Variants in PLEKHG3 observed in about 807,000 individuals in gnomAD.
PLEKHG3 encodes the protein pleckstrin homology domain-containing family G member 3.
PLEKHG3 carries 62 observed loss-of-function variants against 94.9 expected under a neutral mutation model. The observed-to-expected ratio is 0.65, with a 90% CI of 0.53 to 0.81. The LOEUF (loss-of-function observed/expected upper bound fraction) is 0.81. Ranked by LOEUF, PLEKHG3 falls within the 30% of genes least tolerant of loss-of-function variation. The pLI, the probability that PLEKHG3 is intolerant of heterozygous loss-of-function variation, is 0.00. For missense variants in PLEKHG3, 1,461 were observed against 1,619.3 expected, an observed-to-expected ratio of 0.90 and a Z score of 1.68; for synonymous variants, 614 against 654.0, an observed-to-expected ratio of 0.94 and a Z score of 0.93.
rs770143350 is a variant in PLEKHG3 at position 64,737,902 on chromosome 14, C to T, written c.1404+527C>T. ...GGAACCCTCCTGGACTTTGGGCAGC[C>T]CTCCCGTACTCGGGGCCTGCAGCCA... On this transcript the variant is annotated intron_variant, in intron 14 of 16. Coordinates refer to ENST00000247226, the MANE Select transcript of PLEKHG3 (RefSeq NM_001308147.2). The T allele has an allele frequency of 3.6e-5, 43 of 1,209,326 alleles. 1 individual carries two copies. The South Asian group carries it at 5.7e-4, about 16-fold the overall frequency. The allele number at this position is 1,209,326 out of a possible 1,614,324, so 74.9% of individuals were successfully genotyped here. A position where few individuals can be genotyped will look rare whatever the true frequency, so the allele number is the denominator to read the frequency against.
At chr14:64,724,881 G>A (rs577455989) in intron 1 of PLEKHG3, among the ~76,000 whole-genome samples, 2 of 152,340 alleles carry the variant, frequency 1.3e-5, no homozygotes, top group Admixed American at 6.5e-5. Context: ...GTACCTGCAT[G>A]TATAAAATGA....
At chr14:64,724,221 C>A (rs1027072063) in intron 1 of PLEKHG3, among the ~76,000 whole-genome samples, 3 of 152,148 alleles carry the variant, frequency 2.0e-5, no homozygotes, top group African/African-American at 7.2e-5. Context: ...GAATGCACTC[C>A]AGCTGAGTGC....
chr14:64,737,785 C>A (rs540426587), intron 14 of PLEKHG3: 2 of 748,342 alleles, frequency 2.7e-6, no homozygotes, highest in African/African-American at 3.7e-5. Flanking sequence ...GTGAAGGCTC[C>A]CCCCCCGCAG....
Position 64,738,923 on chromosome 14 carries a change from A to G in PLEKHG3, c.1518+68A>G. 1.0e-6 allele frequency: 1 copy of G among 1,003,828 alleles called. No individual in the cohort carries two copies. Among genetic ancestry groups the G allele is most frequent in the Non-Finnish European group, 1.5e-6 (1 of 648,856 alleles). The allele number at this position is 1,003,828 out of a possible 1,614,324, so 62.2% of individuals were successfully genotyped here. A position where few individuals can be genotyped will look rare whatever the true frequency, so the allele number is the denominator to read the frequency against. On this transcript the variant is annotated intron_variant, in intron 15 of 16. Coordinates refer to ENST00000247226, the MANE Select transcript of PLEKHG3 (RefSeq NM_001308147.2). The surrounding 1 kb of genome is among the most constrained non-coding windows in gnomAD (Gnocchi z 4.8). ...GGAGTCCAGATTTTCAAGTCTGCAAATAGGGCTTTCAGGCACAGGCTCTCC... is the reference window on the plus strand; with the variant it reads ...GGAGTCCAGATTTTCAAGTCTGCAAGTAGGGCTTTCAGGCACAGGCTCTCC...
At position 64,738,005 on chromosome 14, in the gene PLEKHG3, A is replaced by C. The variant is rs760670804; in HGVS notation, c.1404+630A>C. On this transcript the variant is annotated intron_variant, in intron 14 of 16. Transcript: ENST00000247226. The surrounding 1 kb of genome is among the most constrained non-coding windows in gnomAD (Gnocchi z 4.8). ...AGGAGGAGGAGGAGGAGGAGGAGGA[A>C]GAGCAGGCCTTTCAGGTCTCTCTGG... 8.4e-7 allele frequency: 1 copy of C among 1,185,440 alleles called. No homozygotes were observed. Among genetic ancestry groups the C allele is most frequent in the East Asian group, 5.7e-5 (1 of 17,516 alleles). The allele number at this position is 1,185,440 out of a possible 1,614,324, so 73.4% of individuals were successfully genotyped here.
intron 1 of PLEKHG3, among the ~76,000 whole-genome samples, chr14:64,713,787 C>T (rs1172191269): frequency 1.3e-5 from 2 of 151,780 alleles, no homozygotes; most frequent in African/African-American, 4.8e-5. Context: ...CTGTGGACCT[C>T]TAAGTCTATT....
At chr14:64,719,397 A>G (rs2081225866) in intron 1 of PLEKHG3, among the ~76,000 whole-genome samples, 1 of 151,964 alleles carries the variant, frequency 6.6e-6, no homozygotes, top group South Asian at 2.1e-4. Context: ...CGGGTTACTT[A>G]CTTGTGTCAT....
chr14:64,733,525 C>G (rs2081514297), intron 12 of PLEKHG3, among the ~76,000 whole-genome samples: 2 of 152,284 alleles, frequency 1.3e-5, no homozygotes, highest in Admixed American at 1.3e-4. Context: ...GGCACCCCTT[C>G]TTAGCCCCCT....
chr14:64,737,817 G>T, intron 14 of PLEKHG3: 1 of 1,057,558 alleles, frequency 9.5e-7, no homozygotes, highest in Non-Finnish European at 1.2e-6. Flanking sequence ...AGGACGGGAG[G>T]TTGCCCAAGA....
At chr14:64,734,266 C>T (rs2139387673) in intron 12 of PLEKHG3, among the ~76,000 whole-genome samples, 1 of 152,124 alleles carries the variant, frequency 6.6e-6, no homozygotes, top group Admixed American at 6.5e-5. Flanking sequence ...TCTCTCTAGC[C>T]CTCTTTCTTT....
In PLEKHG3 at chr14:64,738,597, G is replaced by A; in HGVS notation, c.1405-145G>A. On this transcript the variant is annotated intron_variant, in intron 14 of 16. Coordinates refer to ENST00000247226, the MANE Select transcript of PLEKHG3 (RefSeq NM_001308147.2). This position sits in a 1 kb window ranked among gnomAD's most constrained non-coding sequence, Gnocchi z 4.8. Reference sequence around the variant, plus strand: ...CGCAGCCCCAGGCCTGGCAGTTCAGGTTGGCTCTGGAATGGCTCAGGTCCA... The same window carrying A: ...CGCAGCCCCAGGCCTGGCAGTTCAGATTGGCTCTGGAATGGCTCAGGTCCA... 1 of 651,680 alleles carries A rather than the reference G, an allele frequency of 1.5e-6. No individual in the cohort carries two copies. The highest frequency in any genetic ancestry group is 1.9e-5 in the South Asian group (1 of 52,974). 40.4% of individuals were successfully genotyped at this position (651,680 alleles called of 1,614,324 possible).
intron 1 of PLEKHG3, among the ~76,000 whole-genome samples, chr14:64,708,703 T>C (rs1291412537): frequency 6.6e-6 from 1 of 152,086 alleles, no homozygotes; most frequent in Non-Finnish European, 1.5e-5. Flanking sequence ...AAAGTACCGC[T>C]GTCAAAGTTT....
intron 14 of PLEKHG3, among the ~76,000 whole-genome samples, chr14:64,737,598 G>C (rs1474984900): frequency 6.6e-6 from 1 of 152,236 alleles, no homozygotes; most frequent in African/African-American, 2.4e-5. Flanking sequence ...GCACCCTGCT[G>C]GGGGCCTGCC....
At position 64,730,509 on chromosome 14, in the gene PLEKHG3, A is replaced by G. The variant is rs1474769159; in HGVS notation, c.520-133A>G. On this transcript the variant is annotated intron_variant, in intron 4 of 16. Transcript: ENST00000247226. This position sits in a 1 kb window ranked among gnomAD's most constrained non-coding sequence, Gnocchi z 5.4. ...GATGGGATGTCCTTGACAAATAGGT[A>G]TAAAGATGGCTCTGTAGGCATTTGG... 1.4e-5 allele frequency: 11 copies of G among 787,826 alleles called. No individual in the cohort carries two copies. Among genetic ancestry groups the G allele is most frequent in the East Asian group, 2.6e-5 (1 of 37,748 alleles). 48.8% of individuals were successfully genotyped at this position (787,826 alleles called of 1,614,324 possible).
rs988902745 is a variant in PLEKHG3 at position 64,737,070 on chromosome 14, G to A, written c.1384+179G>A. 34 of 680,866 alleles carry A rather than the reference G, an allele frequency of 5.0e-5. 1 individual carries two copies. In the Admixed American group the frequency reaches 5.3e-4, roughly 11 times the overall value. 42.2% of individuals were successfully genotyped at this position (680,866 alleles called of 1,614,324 possible). ...CGCCCCTGGCTGGCTGAGGAGAGGGGCTGGAGCTCTCCCCCATGCACAGGC... is the reference window on the plus strand; with the variant it reads ...CGCCCCTGGCTGGCTGAGGAGAGGGACTGGAGCTCTCCCCCATGCACAGGC... On this transcript the variant is annotated intron_variant, in intron 13 of 16. Transcript: ENST00000247226.
chr14:64,741,918 C>A lies in PLEKHG3; in HGVS notation c.2401C>A (p.Pro801Thr), dbSNP rs751804810. 1.3e-5 allele frequency: 21 copies of A among 1,591,080 alleles called. No individual in the cohort carries two copies. The Admixed American group carries it at 3.8e-4, about 28-fold the overall frequency. The change falls in exon 16 of 17, where the codon CCT (proline) becomes ACT (threonine). Residue 801 changes from proline to threonine, a missense_variant. By Grantham distance (38) the Pro-to-Thr change is conservative. Around this residue, in one of 3 missense-constraint regions of PLEKHG3, gnomAD observed 1,201 missense variants for 1,295.5 expected, o/e 0.93. Transcript: ENST00000247226. ...GPSQAVKGDP[P>T]PISDAEFRPS... ...AAGCCAGGCAGTCAAAGGGGACCCACCTCCCATCTCAGATGCTGAGTTCCG... is the reference window on the plus strand; with the variant it reads ...AAGCCAGGCAGTCAAAGGGGACCCAACTCCCATCTCAGATGCTGAGTTCCG...
chr14:64,741,068 A>C lies in PLEKHG3; in HGVS notation c.1551A>C (p.Gln517His), dbSNP rs763374396. 6.2e-7 allele frequency: 1 copy of C among 1,605,048 alleles called. No homozygotes were observed. The highest frequency in any genetic ancestry group is 1.1e-5 in the South Asian group (1 of 90,556). The change falls in exon 16 of 17, where the codon CAA becomes CAC. Residue 517 changes from glutamine (Q) to histidine (H), a missense_variant. By Grantham distance (24) the Gln-to-His change is conservative. Transcript: ENST00000247226. ...VEPDPEAGSE[Q>H]EVFSAVEGPS... ...CGGACCCTGAGGCTGGGAGTGAGCAAGAGGTATTTTCTGCTGTGGAAGGGC... is the reference window on the plus strand; with the variant it reads ...CGGACCCTGAGGCTGGGAGTGAGCACGAGGTATTTTCTGCTGTGGAAGGGC...
At chr14:64,737,071 C>G in intron 13 of PLEKHG3, 180 bp downstream of exon 13, 1 of 680,284 alleles carries the variant, frequency 1.5e-6, no homozygotes, top group Non-Finnish European at 2.7e-6. Context: ...AGGAGAGGGG[C>G]TGGAGCTCTC....
At position 64,739,002 on chromosome 14, in the gene PLEKHG3, A is replaced by T. The variant is rs1352138067; in HGVS notation, c.1518+147A>T. The T allele has an allele frequency of 3.1e-6, 2 of 637,354 alleles. No individual in the cohort carries two copies. The highest frequency in any genetic ancestry group is 3.7e-5 in the African/African-American group (2 of 54,734). The allele number at this position is 637,354 out of a possible 1,614,324, so 39.5% of individuals were successfully genotyped here. On this transcript the variant is annotated intron_variant, in intron 15 of 16. Transcript: ENST00000247226. The surrounding 1 kb of genome is among the most constrained non-coding windows in gnomAD (Gnocchi z 4.1). Reference sequence around the variant, plus strand: ...CACCTCCCAGGACTCTCAGCCCTGCATGAAGCCTGTTTGGCCTAGAGTATA... The same window carrying T: ...CACCTCCCAGGACTCTCAGCCCTGCTTGAAGCCTGTTTGGCCTAGAGTATA...
Sources: allele counts gnomAD v4.1 joint callset (sites outside exome capture counted in the v4.1 genomes callset), GRCh38; gene constraint gnomAD v4.1.1; regional missense constraint gnomAD v4.1.1; non-coding constraint Gnocchi (gnomAD v3.1); transcripts MANE v1.5; gene names NCBI Gene and HGNC (gene_info 2026-07-23, HGNC 2026-07-21).